The following MAGI2 variants were observed in gnomAD, a reference collection of about 807,000 sequenced individuals.
MAGI2 encodes membrane-associated guanylate kinase, WW and PDZ domain-containing protein 2.
In MAGI2, 35 loss-of-function variants were observed where a neutral mutation model predicts 133.3. That is an observed-to-expected ratio of 0.26 (90% CI 0.20 to 0.35). The LOEUF is 0.35. Among genes scored for constraint, MAGI2 ranks in the 10% least tolerant of loss-of-function variants. The pLI is 1.00. For missense variants in MAGI2, 1,636 were observed against 1,863.4 expected (o/e 0.88, Z 2.25); for synonymous variants, 729 against 710.6 (o/e 1.03, Z -0.41).
intron 21 of MAGI2, among the ~76,000 whole-genome samples, chr7:78,030,701 C>G (rs1244991112): frequency 6.6e-6 from 1 of 152,154 alleles, no homozygotes; most frequent in African/African-American, 2.4e-5. Flanking sequence ...ACCTATGTGG[C>G]TATAATTAAA....
intron 9 of MAGI2, among the ~76,000 whole-genome samples, chr7:78,270,827 C>T (rs1794491312): frequency 6.6e-6 from 1 of 152,162 alleles, no homozygotes; most frequent in Non-Finnish European, 1.5e-5. Flanking sequence ...CTGAAATCAA[C>T]AGAATGTCCA....
In MAGI2 at chr7:78,430,799, A is replaced by T. The variant is rs1008940030; in HGVS notation, c.1045+58962T>A. ...TCTTTAGGCCTTCGAGTTTGCTGTGAAAATACAAATAATGTGTTTACAGTT... is the reference window on the plus strand; with the variant it reads ...TCTTTAGGCCTTCGAGTTTGCTGTGTAAATACAAATAATGTGTTTACAGTT... On this transcript the variant is annotated intron_variant, in intron 6 of 21. Transcript: ENST00000354212. 2.0e-4 allele frequency among the ~76,000 whole-genome samples: 30 copies of T among 152,070 alleles called. 1 individual carries two copies.
At chr7:78,727,923 A>T (rs1013055858) in intron 2 of MAGI2, among the ~76,000 whole-genome samples, 2 of 152,194 alleles carry the variant, frequency 1.3e-5, no homozygotes, top group African/African-American at 2.4e-5. Context: ...AGTGACTGAG[A>T]GTAAAAATAA....
intron 9 of MAGI2, among the ~76,000 whole-genome samples, chr7:78,292,389 C>T (rs1480924343): frequency 1.3e-5 from 2 of 152,080 alleles, no homozygotes; most frequent in Admixed American, 6.6e-5. Flanking sequence ...ATGTGAAGGA[C>T]CTCTTCAAGG....
At chr7:78,714,232 C>G (rs944642874) in intron 2 of MAGI2, among the ~76,000 whole-genome samples, 6 of 152,084 alleles carry the variant, frequency 3.9e-5, no homozygotes, top group African/African-American at 4.8e-5. Flanking sequence ...GGATCAGTGT[C>G]CTTAGGGGGC....
chr7:78,361,494 T>C (rs1792806343), intron 7 of MAGI2, among the ~76,000 whole-genome samples: 1 of 148,256 alleles, frequency 6.7e-6, no homozygotes, highest in Admixed American at 6.8e-5. Flanking sequence ...CTCAAAGAAA[T>C]GTTGGTGTGA....
At chr7:79,353,650 A>C (rs2129112559) in intron 1 of MAGI2, 1 of 367,054 alleles carries the variant, frequency 2.7e-6, no homozygotes, top group South Asian at 2.0e-5. Context: ...ATTGGGGGTG[A>C]GCACGGGCAT....
chr7:79,278,208 C>A (rs189575704), intron 1 of MAGI2, among the ~76,000 whole-genome samples: 11 of 152,240 alleles, frequency 7.2e-5, no homozygotes, highest in Admixed American at 6.5e-4. Flanking sequence ...ACCTCCCCAG[C>A]TTCTTGCTTC....
rs754149011 is a variant in MAGI2, at chr7:78,553,094, T to TAAA, written c.539-31452_539-31450dup. ...GTTGCCTGTAAAATCAACTTTAAAT[T>TAAA]AAAAAAAAAAAAAACAAACACCAAA... On this transcript the variant is annotated intron_variant, in intron 3 of 21. Transcript: ENST00000354212. Among the ~76,000 whole-genome samples the TAAA allele has an allele frequency of 1.1e-3, 148 of 133,158 alleles. 1 individual carries two copies. Among genetic ancestry groups the TAAA allele is most frequent in the African/African-American group, 3.4e-3 (126 of 37,080 alleles). The allele number at this position is 133,158 out of a possible 152,430, so 87.4% of individuals were successfully genotyped here. A position where few individuals can be genotyped will look rare whatever the true frequency, so the allele number is the denominator to read the frequency against.
intron 9 of MAGI2, among the ~76,000 whole-genome samples, chr7:78,292,884 T>G (rs1796861207): frequency 6.6e-6 from 1 of 152,144 alleles, no homozygotes; most frequent in Non-Finnish European, 1.5e-5. Flanking sequence ...TAGCCATATG[T>G]AGAAAGCTGA....
chr7:78,881,919 C>A (rs1795869680), intron 2 of MAGI2, among the ~76,000 whole-genome samples: 1 of 150,558 alleles, frequency 6.6e-6, no homozygotes, highest in Non-Finnish European at 1.5e-5. Context: ...AATCCCAAAG[C>A]TAGCAGAGGA....
chr7:78,416,967 T>G (rs1179042316), intron 6 of MAGI2, among the ~76,000 whole-genome samples: 1 of 152,058 alleles, frequency 6.6e-6, no homozygotes, highest in Non-Finnish European at 1.5e-5. Context: ...AACCACATAG[T>G]CTGAGAATTT....
chr7:78,079,773 A>G (rs569439414), intron 20 of MAGI2, among the ~76,000 whole-genome samples: 7 of 152,336 alleles, frequency 4.6e-5, no homozygotes, highest in African/African-American at 1.4e-4. Flanking sequence ...TTAAATACCA[A>G]TTCCTCCTAA....
rs374618941 is a variant in MAGI2, at chr7:78,975,156, C to G, written c.418+31934G>C. 2.6e-5 allele frequency among the ~76,000 whole-genome samples: 4 copies of G among 151,640 alleles called. No individual in the cohort carries two copies. In the East Asian group the frequency reaches 7.8e-4, roughly 30 times the overall value. ...GACATCAGTAAGGATATAGTTGACT[C>G]GAATAGCACCACGAATCAGTTTAAC... On this transcript the variant is annotated intron_variant, in intron 2 of 21. Coordinates refer to ENST00000354212, the MANE Select transcript of MAGI2 (RefSeq NM_012301.4).
At chr7:78,977,403 AAG>A (rs1804356744) in intron 2 of MAGI2, among the ~76,000 whole-genome samples, 1 of 151,210 alleles carries the variant, frequency 6.6e-6, no homozygotes, top group South Asian at 2.1e-4. Flanking sequence ...GAAAGAGAGA[AAG>A]AGAGCGACAG....
At chr7:79,214,360 C>CCTCTCTCTCTCTCTCT (rs71531163) in intron 1 of MAGI2, among the ~76,000 whole-genome samples, 1 of 27,566 alleles carries the variant, frequency 3.6e-5, no homozygotes, top group Admixed American at 6.2e-4. Flanking sequence ...GCATTACGCA[C>CCTCTCTCTCTCTCTCT]CTCTCTCTCT....
At chr7:78,069,703 T>A (rs965861764) in intron 21 of MAGI2, among the ~76,000 whole-genome samples, 1 of 152,156 alleles carries the variant, frequency 6.6e-6, no homozygotes, top group Non-Finnish European at 1.5e-5. Flanking sequence ...CCCGGTTGTG[T>A]AAGAAAAATT....
At chr7:78,799,526 G>A (rs1451430193) in intron 2 of MAGI2, among the ~76,000 whole-genome samples, 1 of 152,114 alleles carries the variant, frequency 6.6e-6, no homozygotes. Context: ...TAAGGAAGTG[G>A]TGAAAACCTT....
chr7:78,650,916 C>T (rs958752122), intron 2 of MAGI2, among the ~76,000 whole-genome samples: 3 of 152,126 alleles, frequency 2.0e-5, no homozygotes, highest in Admixed American at 2.0e-4. Flanking sequence ...GATAGTGTCA[C>T]CTCACACTGC....
Sources: allele counts gnomAD v4.1 joint callset (sites outside exome capture counted in the v4.1 genomes callset), GRCh38; gene constraint gnomAD v4.1.1; transcripts MANE v1.5; gene names NCBI Gene and HGNC (gene_info 2026-07-23, HGNC 2026-07-21).